Variants in GLI2 observed in about 807,000 individuals in gnomAD.
The protein encoded by GLI2 is transcription activator GLI2.
Under a neutral mutation model 78.9 loss-of-function variants are expected in GLI2, and 22 were observed. The ratio of observed to expected loss-of-function variants is 0.28; its 90% CI spans 0.20 to 0.40. The LOEUF is 0.40. Ranked by LOEUF, GLI2 falls within the 10% of genes least tolerant of loss-of-function variation. GLI2 has a pLI of 1.00. For missense variants in GLI2, 2,097 were observed against 2,213.2 expected, an observed-to-expected ratio of 0.95 and a Z score of 1.05; for synonymous variants, 974 against 963.7, an observed-to-expected ratio of 1.01 and a Z score of -0.20.
At chr2:120,920,568 G>A (rs778548069) in intron 2 of GLI2, among the ~76,000 whole-genome samples, 14 of 152,132 alleles carry the variant, frequency 9.2e-5, no homozygotes, top group Non-Finnish European at 1.6e-4. Flanking sequence ...ATGTCTGCTC[G>A]CCCTGGGACC....
chr2:120,978,425 C>G lies in GLI2; in HGVS notation c.1318-9C>G. 1 of 1,614,134 alleles carries G rather than the reference C, an allele frequency of 6.2e-7. No homozygotes were observed. The highest frequency in any genetic ancestry group is 2.2e-5 in the East Asian group (1 of 44,870). ...TGCTTACCCTCTTCTGGGCATGTCC[C>G]TCCGGCAGCACATCAACAACGAGCA... On this transcript the variant is annotated splice_polypyrimidine_tract_variant and intron_variant, in intron 9 of 13. Transcript: ENST00000361492.
chr2:120,944,286 A>C (rs1680601238), intron 3 of GLI2, among the ~76,000 whole-genome samples: 1 of 152,212 alleles, frequency 6.6e-6, no homozygotes, highest in Non-Finnish European at 1.5e-5. Flanking sequence ...CCATTTGCTC[A>C]TCTGCTAGAT....
chr2:120,866,412 TA>T (rs1323308725), intron 2 of GLI2: 1 of 152,272 alleles, frequency 6.6e-6, no homozygotes, highest in Non-Finnish European at 1.5e-5. Context: ...AAATGTCTTG[TA>T]CTTAATGGTA....
intron 1 of GLI2, among the ~76,000 whole-genome samples, chr2:120,785,462 G>A (rs1683971962): frequency 6.6e-6 from 1 of 152,192 alleles, no homozygotes; most frequent in Admixed American, 6.5e-5. Context: ...GCTGGGTGCA[G>A]GCATCACCTG....
In GLI2 at chr2:120,972,029, G is replaced by T. The variant is rs907487597; in HGVS notation, c.1148G>T (p.Gly383Val). 2 of 1,613,450 alleles carry T rather than the reference G, an allele frequency of 1.2e-6. No homozygotes were observed. Among genetic ancestry groups the T allele is most frequent in the East Asian group, 2.2e-5 (1 of 44,884 alleles). The change falls in exon 8 of 14, where the codon GGC becomes GTC. Residue 383 changes from glycine to valine, a missense_variant. Gly to Val is a moderately radical substitution (Grantham distance 109, BLOSUM62 -3). Around this residue, in one of 5 missense-constraint regions of GLI2, gnomAD observed 578 missense variants for 612.0 expected, o/e 0.94. Transcript: ENST00000361492. ...KRSKVKTEPE[G>V]LRPASPLALT... ...AGCAAGGTCAAGACCGAGCCTGAGG[G>T]CCTGCGGCCGGCCTCCCCTCTGGCG...
chr2:120,874,318 T>G (rs989363598), intron 2 of GLI2, among the ~76,000 whole-genome samples: 1 of 152,218 alleles, frequency 6.6e-6, no homozygotes, highest in Non-Finnish European at 1.5e-5. Context: ...AGAGAAAAAT[T>G]TCTGGGCCTG....
chr2:120,919,974 C>T (rs921866567), intron 2 of GLI2, among the ~76,000 whole-genome samples: 2 of 152,262 alleles, frequency 1.3e-5, no homozygotes, highest in Non-Finnish European at 2.9e-5. Flanking sequence ...TGGTGCAAGG[C>T]TGGGCCTCAC....
intron 1 of GLI2, among the ~76,000 whole-genome samples, chr2:120,782,728 A>G (rs557855528): frequency 6.6e-6 from 1 of 152,354 alleles, no homozygotes; most frequent in East Asian, 1.9e-4. Flanking sequence ...TGTCCTGGTC[A>G]CTACAGGATA....
rs546785287 is a variant in GLI2 at position 120,795,379 on chromosome 2, C to T, written c.-30-1912C>T. Among the ~76,000 whole-genome samples the T allele has an allele frequency of 1.5e-4, 22 of 151,588 alleles. No homozygotes were observed. The East Asian group carries it at 3.7e-3, about 26-fold the overall frequency. On this transcript the variant is annotated intron_variant, in intron 1 of 13. Transcript: ENST00000361492. ...TCTACTAAAAAATACAAAAATTAGC[C>T]GAGTGTGATGGCGCATGCCTGTAAT...
chr2:120,940,905 G>A (rs1220270925), intron 3 of GLI2, among the ~76,000 whole-genome samples: 3 of 152,000 alleles, frequency 2.0e-5, no homozygotes, highest in African/African-American at 2.4e-5. Context: ...GGCCCTGGCC[G>A]GGTCTGTCTC....
chr2:120,944,235 G>A (rs1282958590), intron 3 of GLI2, among the ~76,000 whole-genome samples: 6 of 152,312 alleles, frequency 3.9e-5, no homozygotes, highest in South Asian at 2.1e-4. Context: ...ATTTGATGCC[G>A]AAAGGTGTGG....
intron 1 of GLI2, among the ~76,000 whole-genome samples, chr2:120,771,507 C>G (rs1683521105): frequency 6.6e-6 from 1 of 150,520 alleles, no homozygotes; most frequent in Non-Finnish European, 1.5e-5. Context: ...CCTTCCTTCT[C>G]AAAGACTTTT....
chr2:120,859,038 G>T (rs755557406), intron 2 of GLI2, among the ~76,000 whole-genome samples: 1 of 152,036 alleles, frequency 6.6e-6, no homozygotes, highest in Admixed American at 6.5e-5. Flanking sequence ...CCCTCCCCTC[G>T]ACCTGGCTAA....
At chr2:120,790,440 G>A (rs1159036660) in intron 1 of GLI2, among the ~76,000 whole-genome samples, 1 of 152,144 alleles carries the variant, frequency 6.6e-6, no homozygotes, top group African/African-American at 2.4e-5. Flanking sequence ...ATAGGGTCTG[G>A]GCTCCCCTCC....
chr2:120,964,011 C>T (rs574439822), intron 5 of GLI2, among the ~76,000 whole-genome samples: 198 of 152,314 alleles, frequency 1.3e-3, no homozygotes, highest in Non-Finnish European at 2.3e-3. Flanking sequence ...GGCTGTGCCA[C>T]CTGTATTCGA....
intron 3 of GLI2, among the ~76,000 whole-genome samples, chr2:120,928,590 A>G (rs945704447): frequency 1.3e-5 from 2 of 152,142 alleles, no homozygotes; most frequent in African/African-American, 4.8e-5. Context: ...CTATGAAGGC[A>G]CATCCTCCTT....
intron 3 of GLI2, among the ~76,000 whole-genome samples, chr2:120,941,418 A>G (rs1035976719): frequency 3.9e-5 from 6 of 152,198 alleles, no homozygotes; most frequent in African/African-American, 1.2e-4. Flanking sequence ...AACCCTGGGG[A>G]GGAGATTGAA....
chr2:120,846,244 G>A (rs552748270), intron 2 of GLI2, among the ~76,000 whole-genome samples: 1 of 152,330 alleles, frequency 6.6e-6, no homozygotes, highest in African/African-American at 2.4e-5. Flanking sequence ...ATTACAGCAT[G>A]CTCCTGGTCC....
At chr2:120,759,731 G>GC (rs1168262057) in intron 1 of GLI2, among the ~76,000 whole-genome samples, 1 of 152,072 alleles carries the variant, frequency 6.6e-6, no homozygotes, top group Non-Finnish European at 1.5e-5. Context: ...TTAACCTTCA[G>GC]CCCCTGTCCC....
Sources: allele counts gnomAD v4.1 joint callset (sites outside exome capture counted in the v4.1 genomes callset), GRCh38; gene constraint gnomAD v4.1.1; regional missense constraint gnomAD v4.1.1; transcripts MANE v1.5; gene names NCBI Gene and HGNC (gene_info 2026-07-23, HGNC 2026-07-21).